ANXA8: variants seen among roughly 807,000 people sequenced by gnomAD.
ANXA8 encodes the protein annexin A8.
ANXA8 carries 9 observed loss-of-function variants against 26.8 expected under a neutral mutation model. That is an observed-to-expected ratio of 0.34 (90% CI 0.20 to 0.59). The LOEUF (loss-of-function observed/expected upper bound fraction) is 0.59. Among genes scored for constraint, ANXA8 ranks in the 20% least tolerant of loss-of-function variants. The pLI, the probability that ANXA8 is intolerant of heterozygous loss-of-function variation, is 0.84. For missense variants in ANXA8, 83 were observed against 238.5 expected, an observed-to-expected ratio of 0.35 and a Z score of 4.29; for synonymous variants, 39 against 94.8, an observed-to-expected ratio of 0.41 and a Z score of 3.42.
the ANXA8 span, among the ~76,000 whole-genome samples, chr10:47,733,144 T>C: frequency 2.8e-5 from 1 of 35,702 alleles, no homozygotes; most frequent in Admixed American, 2.9e-4. Context: ...AACTCCCTAA[T>C]CTTTCTTTCT....
the ANXA8 span, among the ~76,000 whole-genome samples, chr10:47,644,829 T>A: frequency 1.3e-5 from 2 of 151,004 alleles, no homozygotes; most frequent in African/African-American, 2.4e-5. Flanking sequence ...CTGATGATAA[T>A]GTTACCAGAA....
the ANXA8 span, among the ~76,000 whole-genome samples, chr10:47,490,101 G>T: frequency 6.6e-6 from 1 of 150,682 alleles, no homozygotes; most frequent in South Asian, 2.1e-4. Context: ...CCCCTCTCAG[G>T]ATGTGCTAGC....
the ANXA8 span, among the ~76,000 whole-genome samples, chr10:47,528,175 G>T: frequency 7.2e-6 from 1 of 139,712 alleles, no homozygotes. Context: ...TGCCTCCTGG[G>T]TTCATGCCAT....
At chr10:47,581,586 C>G in the ANXA8 span, 2 of 474,436 alleles carry the variant, frequency 4.2e-6, no homozygotes, top group Admixed American at 5.1e-5. Flanking sequence ...ATTCTAAAGG[C>G]AAACATGTAA....
the ANXA8 span, among the ~76,000 whole-genome samples, chr10:47,660,377 G>C: frequency 6.6e-6 from 1 of 151,078 alleles, no homozygotes; most frequent in African/African-American, 2.4e-5. Flanking sequence ...TTCAGCAAAA[G>C]TGGTATTTTC....
At chr10:47,501,965 A>C in the ANXA8 span, 1 of 1,173,522 alleles carries the variant, frequency 8.5e-7, no homozygotes, top group African/African-American at 1.6e-5. Context: ...AAAAGTACTG[A>C]AAATGCTATT....
the ANXA8 span, among the ~76,000 whole-genome samples, chr10:47,667,495 T>G: frequency 6.6e-5 from 10 of 151,904 alleles, no homozygotes; most frequent in Non-Finnish European, 1.3e-4. Context: ...TCAGTGTTTT[T>G]TTGTTGTTGT....
At chr10:47,942,111 C>T in the ANXA8 span, among the ~76,000 whole-genome samples, 17 of 147,334 alleles carry the variant, frequency 1.2e-4, 1 homozygote, top group African/African-American at 1.8e-4. Flanking sequence ...AGCAACACCC[C>T]TGGAGGGAAA....
At chr10:47,633,910 C>G in the ANXA8 span, among the ~76,000 whole-genome samples, 1 of 139,722 alleles carries the variant, frequency 7.2e-6, no homozygotes, top group Non-Finnish European at 1.5e-5. Flanking sequence ...TAGATGGGTC[C>G]GCACAACCCG....
At chr10:47,947,305 T>G in the ANXA8 span, among the ~76,000 whole-genome samples, 1 of 138,328 alleles carries the variant, frequency 7.2e-6, no homozygotes, top group Non-Finnish European at 1.5e-5. Context: ...CTCATCTCCA[T>G]GCAATGAGGA....
chr10:47,664,660 G>A, the ANXA8 span, among the ~76,000 whole-genome samples: 1 of 150,698 alleles, frequency 6.6e-6, no homozygotes, highest in Admixed American at 6.6e-5. Flanking sequence ...GGATAACTTT[G>A]TCAACTTCAC....
the ANXA8 span, among the ~76,000 whole-genome samples, chr10:47,595,524 C>A: frequency 6.7e-6 from 1 of 149,106 alleles, no homozygotes; most frequent in Non-Finnish European, 1.5e-5. Flanking sequence ...ACCCATCTCA[C>A]AACTAATGAC....
At chr10:47,606,284 A>G in the ANXA8 span, among the ~76,000 whole-genome samples, 3 of 149,610 alleles carry the variant, frequency 2.0e-5, no homozygotes, top group African/African-American at 5.1e-5. Flanking sequence ...AAGAACTCTC[A>G]GTTATAACCA....
chr10:47,762,118 C>G, the ANXA8 span, among the ~76,000 whole-genome samples: 7 of 142,006 alleles, frequency 4.9e-5, no homozygotes, highest in East Asian at 1.6e-3. Flanking sequence ...GGCCCTGGAA[C>G]CTGCTGCAAG....
At chr10:47,957,721 G>A in the ANXA8 span, among the ~76,000 whole-genome samples, 1 of 148,890 alleles carries the variant, frequency 6.7e-6, no homozygotes, top group Non-Finnish European at 1.5e-5. Flanking sequence ...CTCCAGGCAA[G>A]GTTCTTCTTT....
chr10:47,973,904 G>A, the ANXA8 span, among the ~76,000 whole-genome samples: 46 of 151,202 alleles, frequency 3.0e-4, 1 homozygote, highest in African/African-American at 1.0e-3. Flanking sequence ...AGGGCTTTTT[G>A]TTGTTGTCGT....
chr10:47,737,020 A>G, the ANXA8 span, among the ~76,000 whole-genome samples: 1 of 150,996 alleles, frequency 6.6e-6, no homozygotes, highest in Non-Finnish European at 1.5e-5. Context: ...AGTCATTTGC[A>G]GTTTGCTTTT....
the ANXA8 span, among the ~76,000 whole-genome samples, chr10:47,686,836 A>G: frequency 6.6e-6 from 1 of 151,860 alleles, no homozygotes; most frequent in Non-Finnish European, 1.5e-5. Flanking sequence ...TCCATAGTGA[A>G]AACTTTTATA....
the ANXA8 span, among the ~76,000 whole-genome samples, chr10:47,681,343 C>T: frequency 2.0e-5 from 3 of 149,750 alleles, no homozygotes; most frequent in Non-Finnish European, 3.0e-5. Flanking sequence ...AATGTCAAGG[C>T]GTAAGTAGCA....
Sources: allele counts gnomAD v4.1 joint callset (sites outside exome capture counted in the v4.1 genomes callset), GRCh38; gene constraint gnomAD v4.1.1; transcripts MANE v1.5; gene names NCBI Gene and HGNC (gene_info 2026-07-23, HGNC 2026-07-21).